MYL3: variants seen among roughly 807,000 people sequenced by gnomAD.
The protein encoded by MYL3 is CMLC1.
In MYL3, 11 loss-of-function variants were observed where a neutral mutation model predicts 21.3. That is an observed-to-expected ratio of 0.52 (90% CI 0.32 to 0.85). The LOEUF (loss-of-function observed/expected upper bound fraction) is 0.85. MYL3 is among the 40% of genes least tolerant of loss of function. MYL3 has a pLI of 0.03. For missense variants in MYL3, 206 were observed against 253.3 expected, an observed-to-expected ratio of 0.81 and a Z score of 1.27; for synonymous variants, 88 against 91.6, an observed-to-expected ratio of 0.96 and a Z score of 0.22.
rs73833654 is a variant in MYL3, at chr3:46,860,435, C to T, written c.307+241G>A. ...GTCACTGCCCGACCTTCTCACTTCT[C>T]CATAGGTGTCAGCGCCTACCACCAG... is the stretch of plus-strand genomic sequence containing the variant. On this transcript the variant is annotated intron_variant, in intron 3 of 6. Transcript: ENST00000292327. The surrounding 1 kb of genome is among the most constrained non-coding windows in gnomAD (Gnocchi z 4.6). Among the ~76,000 whole-genome samples, 1,614 of 152,326 alleles carry T rather than the reference C, an allele frequency of 0.011. 26 individuals are homozygous for T. Among genetic ancestry groups the T allele is most frequent in the African/African-American group, 0.037 (1,547 of 41,550 alleles).
chr3:46,869,129 C>T lies in MYL3; in HGVS notation c.-217-2529G>A, dbSNP rs576123539. ...GACAGGGGCCCGGCCCCTCCCCCCA[C>T]AGCATGGCCTGTGGCCTCCCTGAAC... On this transcript the variant is annotated intron_variant, in intron 1 of 3. Transcript: ENST00000431168. Among the ~76,000 whole-genome samples the T allele has an allele frequency of 2.0e-5, 3 of 152,172 alleles. No individual in the cohort carries two copies. In the South Asian group the frequency reaches 6.2e-4, roughly 31 times the overall value.
At chr3:46,871,923 T>C (rs2029946694) in intron 1 of MYL3, among the ~76,000 whole-genome samples, 2 of 152,182 alleles carry the variant, frequency 1.3e-5, no homozygotes, top group African/African-American at 4.8e-5. Context: ...CATCCAAAGC[T>C]GATGAGGGTA....
chr3:46,876,077 G>T (rs765163011), intron 1 of MYL3, among the ~76,000 whole-genome samples: 31 of 152,352 alleles, frequency 2.0e-4, no homozygotes, highest in African/African-American at 6.5e-4. Context: ...AGACTCCCAG[G>T]TCTGCTTGCA....
chr3:46,861,643 A>G lies in MYL3; in HGVS notation c.130-656T>C, dbSNP rs1298564129. Among the ~76,000 whole-genome samples the G allele has an allele frequency of 1.3e-5, 2 of 152,166 alleles. No homozygotes were observed. Among genetic ancestry groups the G allele is most frequent in the Admixed American group, 6.5e-5 (1 of 15,276 alleles). ...AAGCTCCCACACCCCAGGACAGCACAGGGCCAGGGCAGTGCTGCTGAGTGT... is the reference window on the plus strand; with the variant it reads ...AAGCTCCCACACCCCAGGACAGCACGGGGCCAGGGCAGTGCTGCTGAGTGT... On this transcript the variant is annotated intron_variant, in intron 1 of 6. Transcript: ENST00000292327. The surrounding 1 kb of genome is among the most constrained non-coding windows in gnomAD (Gnocchi z 4.2).
chr3:46,864,720 C>A (rs1447961690), upstream of MYL3, among the ~76,000 whole-genome samples: 1 of 152,202 alleles, frequency 6.6e-6, no homozygotes, highest in Non-Finnish European at 1.5e-5. This position sits in a 1 kb window ranked among gnomAD's most constrained non-coding sequence, Gnocchi z 4.7. Context: ...GATGCTCATT[C>A]CCTGTTCCTA....
At position 46,861,800 on chromosome 3, in the gene MYL3, C is replaced by T. The variant is rs542694337; in HGVS notation, c.130-813G>A. Among the ~76,000 whole-genome samples the T allele has an allele frequency of 5.3e-5, 8 of 152,274 alleles. No individual in the cohort carries two copies. In the South Asian group the frequency reaches 1.7e-3, roughly 32 times the overall value. On this transcript the variant is annotated intron_variant, in intron 1 of 6. Transcript: ENST00000292327. The surrounding 1 kb of genome is among the most constrained non-coding windows in gnomAD (Gnocchi z 4.2). ...GTCACTCGCCCCAAGGTCAAGGTCA[C>T]ACAAGGGAAAGGAGGTTGGGGGAGG...
Position 46,859,783 on chromosome 3 carries a change from TACACC to T in MYL3, c.308-140_308-136del. On this transcript the variant is annotated intron_variant, in intron 3 of 6. Transcript: ENST00000292327. The surrounding 1 kb of genome is among the most constrained non-coding windows in gnomAD (Gnocchi z 4.1). Reference sequence around the variant, plus strand: ...GTCTACACCAGTTCTCACAGCAGTCTACACCAGTTTGCCATTTAAAAGCAAACTAC... The same window carrying T: ...GTCTACACCAGTTCTCACAGCAGTCTAGTTTGCCATTTAAAAGCAAACTAC... 1 of 1,060,222 alleles carries T rather than the reference TACACC, an allele frequency of 9.4e-7. No homozygotes were observed. The highest frequency in any genetic ancestry group is 1.3e-5 in the South Asian group (1 of 77,370). The allele number at this position is 1,060,222 out of a possible 1,614,324, so 65.7% of individuals were successfully genotyped here. A position where few individuals can be genotyped will look rare whatever the true frequency, so the allele number is the denominator to read the frequency against.
At chr3:46,863,155 T>C in intron 1 of MYL3, 107 bp downstream of exon 1, 2 of 1,525,990 alleles carry the variant, frequency 1.3e-6, no homozygotes, top group South Asian at 2.3e-5. Context: ...GCTTCCAGCG[T>C]CAGCTCAGTG....
chr3:46,864,954 G>T (rs115116276), upstream of MYL3, among the ~76,000 whole-genome samples: 2,709 of 152,366 alleles, frequency 0.018, 43 homozygotes, highest in Non-Finnish European at 0.029. This position sits in a 1 kb window ranked among gnomAD's most constrained non-coding sequence, Gnocchi z 4.7. Flanking sequence ...CAGCATCTGT[G>T]CCTGGGGGGT....
In MYL3 at chr3:46,857,927, G is replaced by C. The variant is rs1160404278; in HGVS notation, c.*188C>G. ...AGGCCCATGGGGTGGGGACAGAGCT[G>C]CTGTCACAGGTAAGCACAGCCTGAG... On this transcript the variant is annotated 3_prime_UTR_variant, in exon 7 of 7. Transcript: ENST00000292327. The surrounding 1 kb of genome is among the most constrained non-coding windows in gnomAD (Gnocchi z 5.0). 2.0e-6 allele frequency: 1 copy of C among 490,240 alleles called. No homozygotes were observed. The highest frequency in any genetic ancestry group is 3.7e-6 in the Non-Finnish European group (1 of 267,634). The allele number at this position is 490,240 out of a possible 1,614,324, so 30.4% of individuals were successfully genotyped here. A position where few individuals can be genotyped will look rare whatever the true frequency, so the allele number is the denominator to read the frequency against.
upstream of MYL3, among the ~76,000 whole-genome samples, chr3:46,865,564 T>G (rs1255890480): frequency 2.0e-5 from 3 of 152,276 alleles, no homozygotes; most frequent in East Asian, 5.8e-4. This position sits in a 1 kb window ranked among gnomAD's most constrained non-coding sequence, Gnocchi z 4.3. Flanking sequence ...GCAGAGGACA[T>G]ATACAGGGCC....
intron 4 of MYL3, 97 bp from the exon 5 acceptor site, chr3:46,858,558 C>T: frequency 8.8e-7 from 1 of 1,141,966 alleles, no homozygotes; most frequent in South Asian, 1.3e-5. Context: ...CTCAACCTCT[C>T]CAGTATTCCC....
chr3:46,876,688 GC>G (rs751973272), intron 1 of MYL3, among the ~76,000 whole-genome samples: 2 of 152,350 alleles, frequency 1.3e-5, no homozygotes, highest in South Asian at 4.1e-4. Flanking sequence ...CTAGGAATGT[GC>G]CCAATGGCTG....
intron 1 of MYL3, among the ~76,000 whole-genome samples, chr3:46,877,216 G>A (rs2030271931): frequency 1.3e-5 from 2 of 152,022 alleles, no homozygotes; most frequent in African/African-American, 2.4e-5. Flanking sequence ...CATCTCTTCC[G>A]TCTAGGAGCC....
chr3:46,865,458 G>A (rs1254948006), upstream of MYL3, among the ~76,000 whole-genome samples: 1 of 152,124 alleles, frequency 6.6e-6, no homozygotes, highest in African/African-American at 2.4e-5. The surrounding 1 kb of genome is among the most constrained non-coding windows in gnomAD (Gnocchi z 4.3). Context: ...TCAGGACAAC[G>A]GGCTCTGGAA....
chr3:46,858,362 C>A, intron 5 of MYL3, 22 bp downstream of exon 5: 3 of 1,614,142 alleles, frequency 1.9e-6, no homozygotes, highest in Non-Finnish European at 2.5e-6. Flanking sequence ...TCCCAGAAGA[C>A]CCCTGCCCCT....
rs892682939 is a variant in MYL3, at chr3:46,859,067, A to G, written c.481+408T>C. 1.3e-5 allele frequency among the ~76,000 whole-genome samples: 2 copies of G among 152,136 alleles called. No homozygotes were observed. The highest frequency in any genetic ancestry group is 2.9e-5 in the Non-Finnish European group (2 of 68,010). ...CCCCCTGCTGCAGGCAGCCGATGGTAGGGGTATAAGTGGGAGGTACACAGG... is the reference window on the plus strand; with the variant it reads ...CCCCCTGCTGCAGGCAGCCGATGGTGGGGGTATAAGTGGGAGGTACACAGG... On this transcript the variant is annotated intron_variant, in intron 4 of 6. Transcript: ENST00000292327. The surrounding 1 kb of genome is among the most constrained non-coding windows in gnomAD (Gnocchi z 4.1).
chr3:46,877,823 TGGAA>T, intron 1 of MYL3: 1 of 152,230 alleles, frequency 6.6e-6, no homozygotes, highest in African/African-American at 2.4e-5. Flanking sequence ...AGGCCCGACT[TGGAA>T]GGCCCATGGG....
intron 1 of MYL3, among the ~76,000 whole-genome samples, chr3:46,871,800 G>C (rs1266929600): frequency 6.6e-6 from 1 of 152,260 alleles, no homozygotes; most frequent in Non-Finnish European, 1.5e-5. Context: ...TGCGGTTTTA[G>C]AGCCAGGGCT....
Sources: gnomAD v4.1 joint callset for allele counts (sites outside exome capture counted in the v4.1 genomes callset) on GRCh38, gnomAD v4.1.1 for gene constraint, Gnocchi (gnomAD v3.1) non-coding constraint, MANE v1.5 for transcripts, NCBI Gene and HGNC (gene_info 2026-07-23, HGNC 2026-07-21) for gene names.